FSTL4: variants seen among roughly 807,000 people sequenced by gnomAD.
The protein encoded by FSTL4 is follistatin-related protein 4.
FSTL4 carries 28 observed loss-of-function variants against 78.2 expected under a neutral mutation model. The ratio of observed to expected loss-of-function variants is 0.36; its 90% CI spans 0.27 to 0.49. The LOEUF (loss-of-function observed/expected upper bound fraction) is 0.49, where lower values mean the gene tolerates loss of function less well. Ranked by LOEUF, FSTL4 falls within the 20% of genes least tolerant of loss-of-function variation. The pLI, the probability that FSTL4 is intolerant of heterozygous loss-of-function variation, is 0.98. For synonymous variants in FSTL4, 422 were observed against 440.5 expected, an observed-to-expected ratio of 0.96 and a Z score of 0.53; for missense variants, 922 against 1,084.9, an observed-to-expected ratio of 0.85 and a Z score of 2.11.
chr5:133,512,786 G>A (rs560287168), intron 3 of FSTL4, among the ~76,000 whole-genome samples: 1 of 152,098 alleles, frequency 6.6e-6, no homozygotes, highest in East Asian at 1.9e-4. Flanking sequence ...AGGACTGGGT[G>A]GAAAGGTGAT....
At chr5:133,771,625 A>AT in the FSTL4 span, among the ~76,000 whole-genome samples, 39 of 151,306 alleles carry the variant, frequency 2.6e-4, no homozygotes, top group Admixed American at 7.9e-4. Context: ...AAACCTAAGG[A>AT]TTTTTTTTTG....
At chr5:133,200,137 A>C (rs1010789145) in intron 15 of FSTL4, among the ~76,000 whole-genome samples, 1 of 152,198 alleles carries the variant, frequency 6.6e-6, no homozygotes, top group Non-Finnish European at 1.5e-5. Flanking sequence ...GCCAGCTAGA[A>C]AGGGGAGAGT....
intron 2 of FSTL4, among the ~76,000 whole-genome samples, chr5:133,595,086 TG>T (rs2112970929): frequency 6.6e-6 from 1 of 152,346 alleles, no homozygotes; most frequent in South Asian, 2.1e-4. Context: ...TCTGGATTCA[TG>T]GTTTTGGCAA....
intron 6 of FSTL4, among the ~76,000 whole-genome samples, chr5:133,253,444 C>T (rs559643567): frequency 1.1e-4 from 17 of 152,304 alleles, no homozygotes; most frequent in South Asian, 6.2e-4. Flanking sequence ...GCTTTTGACT[C>T]GGAGCCGATT....
At chr5:133,589,896 C>T (rs1760588200) in intron 2 of FSTL4, among the ~76,000 whole-genome samples, 3 of 152,214 alleles carry the variant, frequency 2.0e-5, no homozygotes, top group Admixed American at 6.5e-5. Context: ...AAACAGCTCA[C>T]TTATCTTGAA....
Position 133,307,844 on chromosome 5 carries a change from G to A in FSTL4, c.727+4810C>T, listed in dbSNP as rs368291950. Among the ~76,000 whole-genome samples the A allele has an allele frequency of 5.4e-4, 81 of 150,366 alleles. 2 individuals are homozygous for A. In the East Asian group the frequency reaches 0.013, roughly 25 times the overall value. ...TGCCCAGGCTGGAGTGCAGTGGTGC[G>A]ATCTCCACTCACTGCAAACTCTGCC... is the stretch of plus-strand genomic sequence containing the variant. On this transcript the variant is annotated intron_variant, in intron 6 of 15. Coordinates refer to ENST00000265342, the MANE Select transcript of FSTL4 (RefSeq NM_015082.2).
intron 7 of FSTL4, chr5:133,246,875 A>C (rs1752051524): frequency 6.6e-6 from 1 of 152,246 alleles, no homozygotes; most frequent in Non-Finnish European, 1.5e-5. Flanking sequence ...CCTTACATGC[A>C]TATTGTCATT....
chr5:133,525,083 C>T (rs1043144166), intron 3 of FSTL4, among the ~76,000 whole-genome samples: 20 of 152,140 alleles, frequency 1.3e-4, no homozygotes, highest in African/African-American at 4.3e-4. Context: ...CCAGCCTTTC[C>T]GCTGTTCTGG....
the FSTL4 span, among the ~76,000 whole-genome samples, chr5:133,743,791 T>G: frequency 6.6e-6 from 1 of 152,220 alleles, no homozygotes; most frequent in Non-Finnish European, 1.5e-5. Context: ...CTAACCCGCT[T>G]TAACAGCTCC....
chr5:133,644,920 C>T, the FSTL4 span, among the ~76,000 whole-genome samples: 3 of 152,046 alleles, frequency 2.0e-5, no homozygotes, highest in Non-Finnish European at 4.4e-5. Flanking sequence ...CTGATTTGGC[C>T]CATCTCTCAG....
the FSTL4 span, among the ~76,000 whole-genome samples, chr5:133,766,570 T>A: frequency 1.3e-5 from 2 of 152,174 alleles, no homozygotes; most frequent in Non-Finnish European, 2.9e-5. Context: ...GAGGGGAGAC[T>A]CAACTGGTCT....
At chr5:133,489,957 T>C (rs1039123370) in intron 3 of FSTL4, among the ~76,000 whole-genome samples, 1 of 152,228 alleles carries the variant, frequency 6.6e-6, no homozygotes, top group Non-Finnish European at 1.5e-5. Context: ...TCGTTCCTTT[T>C]GCCAGGAAAT....
chr5:133,548,827 AG>A (rs749584550), intron 3 of FSTL4, among the ~76,000 whole-genome samples: 10 of 152,162 alleles, frequency 6.6e-5, no homozygotes, highest in East Asian at 1.9e-4. Context: ...TGAAGCTTGA[AG>A]GGGGAAAAAA....
chr5:133,616,208 AAG>A (rs1274320890), upstream of FSTL4, among the ~76,000 whole-genome samples: 2 of 152,148 alleles, frequency 1.3e-5, no homozygotes, highest in Non-Finnish European at 2.9e-5. Flanking sequence ...GGAGAGTGAA[AAG>A]AGGGGCCAAT....
intron 3 of FSTL4, among the ~76,000 whole-genome samples, chr5:133,449,746 G>A (rs756165493): frequency 1.3e-5 from 2 of 152,142 alleles, no homozygotes; most frequent in Admixed American, 6.5e-5. Flanking sequence ...TGTTGGGTGC[G>A]CTCTTTTCCT....
At chr5:133,561,277 C>T (rs1285597809) in intron 3 of FSTL4, among the ~76,000 whole-genome samples, 1 of 152,022 alleles carries the variant, frequency 6.6e-6, no homozygotes. Flanking sequence ...GTAAAAATTA[C>T]CCATGCACTG....
At chr5:133,725,587 G>T in the FSTL4 span, among the ~76,000 whole-genome samples, 5 of 152,204 alleles carry the variant, frequency 3.3e-5, no homozygotes, top group East Asian at 9.6e-4. Context: ...CTCACCTCTG[G>T]GTGAGTTGAC....
chr5:133,350,681 T>C (rs149211191), intron 4 of FSTL4, among the ~76,000 whole-genome samples: 24 of 152,354 alleles, frequency 1.6e-4, no homozygotes, highest in Non-Finnish European at 3.2e-4. Flanking sequence ...AGAGCTGGCA[T>C]AGTGTCCTCC....
At chr5:133,756,351 C>T in the FSTL4 span, among the ~76,000 whole-genome samples, 1 of 151,668 alleles carries the variant, frequency 6.6e-6, no homozygotes, top group Non-Finnish European at 1.5e-5. Context: ...TGGAGCCGTG[C>T]CATCATAGGA....
Sources: gnomAD v4.1 joint callset for allele counts (sites outside exome capture counted in the v4.1 genomes callset) on GRCh38, gnomAD v4.1.1 for gene constraint, MANE v1.5 for transcripts, NCBI Gene and HGNC (gene_info 2026-07-23, HGNC 2026-07-21) for gene names.